PTTG1IP: variants seen among roughly 807,000 people sequenced by gnomAD.
PTTG1IP encodes PTTG1 interacting protein.
A neutral mutation model predicts 24.4 loss-of-function variants in PTTG1IP; 16 were observed. That is an observed-to-expected ratio of 0.66 (90% CI 0.44 to 1.00). The LOEUF is 1.00. Among genes scored for constraint, PTTG1IP ranks in the 50% least tolerant of loss-of-function variants. The probability of loss-of-function intolerance (pLI) is 0.00; values close to 1 mark genes in which losing one functional copy is unlikely to be tolerated. For missense variants in PTTG1IP, 241 were observed against 245.8 expected, an observed-to-expected ratio of 0.98 and a Z score of 0.13; for synonymous variants, 89 against 96.8, an observed-to-expected ratio of 0.92 and a Z score of 0.47.
chr21:44,857,709 AGCCTCACCCCTCT>A (rs1433081509), intron 3 of PTTG1IP, among the ~76,000 whole-genome samples: 1 of 152,224 alleles, frequency 6.6e-6, no homozygotes, highest in African/African-American at 2.4e-5. Flanking sequence ...GGGCTCCCGC[AGCCTCACCCCTCT>A]GCTGCCCCGG....
intron 5 of PTTG1IP, 57 bp from the exon 6 acceptor site, chr21:44,851,684 T>C: frequency 9.9e-6 from 15 of 1,517,692 alleles, no homozygotes; most frequent in Non-Finnish European, 1.2e-5. Flanking sequence ...AACAAAATCT[T>C]AGAAAGCCAT....
Position 44,873,662 on chromosome 21 carries a change from C to A in PTTG1IP, c.-46G>T, listed in dbSNP as rs2083609775. 14 of 1,324,348 alleles carry A rather than the reference C, an allele frequency of 1.1e-5. No homozygotes were observed. The highest frequency in any genetic ancestry group is 1.3e-5 in the Non-Finnish European group (13 of 1,033,086). The allele number at this position is 1,324,348 out of a possible 1,614,324, so 82.0% of individuals were successfully genotyped here. A position where few individuals can be genotyped will look rare whatever the true frequency, so the allele number is the denominator to read the frequency against. ...AGTCAGTGGAGCGTTACAACTCCGACTCCAGCACAAGCGGTCTCCGCCCGG... is the reference window on the plus strand; with the variant it reads ...AGTCAGTGGAGCGTTACAACTCCGAATCCAGCACAAGCGGTCTCCGCCCGG... On this transcript the variant is annotated 5_prime_UTR_variant, in exon 1 of 6. Transcript: ENST00000330938.
chr21:44,863,142 G>A (rs374098102), intron 2 of PTTG1IP, among the ~76,000 whole-genome samples: 24,318 of 105,388 alleles, frequency 0.23, 1,026 homozygotes, highest in Middle Eastern at 0.35. Flanking sequence ...AGCCCACCAC[G>A]GCCTCAGCAG....
chr21:44,870,178 T>A (rs1209662606), intron 1 of PTTG1IP, among the ~76,000 whole-genome samples: 1 of 152,122 alleles, frequency 6.6e-6, no homozygotes. Flanking sequence ...ACAGTCCTCA[T>A]GAAAATAACA....
chr21:44,867,012 G>A (rs1440709349), intron 1 of PTTG1IP, among the ~76,000 whole-genome samples: 1 of 152,180 alleles, frequency 6.6e-6, no homozygotes, highest in Non-Finnish European at 1.5e-5. Context: ...TGCATCCACA[G>A]ATGGACCTGC....
intron 2 of PTTG1IP, chr21:44,862,069 C>T: frequency 5.4e-6 from 3 of 558,658 alleles, no homozygotes; most frequent in Non-Finnish European, 9.7e-6. Context: ...GGAGACAACA[C>T]CATCACACCC....
At chr21:44,854,843 G>A (rs951345573) in intron 5 of PTTG1IP, among the ~76,000 whole-genome samples, 1 of 152,286 alleles carries the variant, frequency 6.6e-6, no homozygotes, top group East Asian at 1.9e-4. Context: ...CAACGCTCCC[G>A]AGGATGAGAG....
rs971862134 is a variant in PTTG1IP, at chr21:44,873,588, G to T, written c.29C>A (p.Thr10Lys). Residue 10 changes from threonine to lysine, a missense_variant, in exon 1 of 6, where the codon ACG becomes AAG. Physicochemically the swap from Thr to Lys is moderately conservative, Grantham distance 78. Transcript: ENST00000330938. MAPGVARGPTPYWRLRLGGA... is the reference protein window; with the variant it reads MAPGVARGPKPYWRLRLGGA... ...ACCGAGGCGCAACCTCCAGTACGGC[G>T]TCGGCCCGCGGGCCACTCCGGGCGC... 3.4e-6 allele frequency: 5 copies of T among 1,459,558 alleles called. No homozygotes were observed. In the African/African-American group the frequency reaches 7.4e-5, roughly 22 times the overall value. The allele number at this position is 1,459,558 out of a possible 1,614,324, so 90.4% of individuals were successfully genotyped here.
Position 44,852,320 on chromosome 21 carries a change from T to C in PTTG1IP, c.497-693A>G, listed in dbSNP as rs537797054. 5.9e-5 allele frequency among the ~76,000 whole-genome samples: 9 copies of C among 152,292 alleles called. No homozygotes were observed. In the East Asian group the frequency reaches 1.5e-3, roughly 26 times the overall value. ...GCCTCAGCCTCCGGGTAGCTAGGAC[T>C]GCAGGCACCCACCACCATACTTGGC... On this transcript the variant is annotated intron_variant, in intron 5 of 5. Transcript: ENST00000330938.
intron 3 of PTTG1IP, among the ~76,000 whole-genome samples, chr21:44,860,014 T>C (rs977376288): frequency 6.6e-6 from 1 of 152,164 alleles, no homozygotes; most frequent in African/African-American, 2.4e-5. Flanking sequence ...AAAAGATTAA[T>C]AAATTCAACT....
chr21:44,851,840 C>CTT (rs756629249), intron 5 of PTTG1IP, among the ~76,000 whole-genome samples: 4 of 152,212 alleles, frequency 2.6e-5, no homozygotes, highest in Non-Finnish European at 4.4e-5. Flanking sequence ...AACAAGAACT[C>CTT]TAACAGATCC....
In PTTG1IP at chr21:44,855,155, G is replaced by C. The variant is rs367789266; in HGVS notation, c.496+55C>G. On this transcript the variant is annotated intron_variant, in intron 5 of 5. Transcript: ENST00000330938. ...CCACACTGGCACTAACGAGGACCGAGACAGCGTGCCATCGCCTCCCAACCA... is the reference window on the plus strand; with the variant it reads ...CCACACTGGCACTAACGAGGACCGACACAGCGTGCCATCGCCTCCCAACCA... The C allele has an allele frequency of 1.0e-4, 157 of 1,533,990 alleles. 1 individual carries two copies. The highest frequency in any genetic ancestry group is 1.4e-4 in the Non-Finnish European group (153 of 1,108,046).
intron 3 of PTTG1IP, 48 bp downstream of exon 3, chr21:44,861,115 T>C: frequency 6.5e-7 from 1 of 1,545,706 alleles, no homozygotes; most frequent in East Asian, 2.3e-5. Context: ...ACTACTATTT[T>C]CAAAGAAGCA....
chr21:44,861,655 C>T, intron 2 of PTTG1IP: 3 of 709,864 alleles, frequency 4.2e-6, no homozygotes, highest in South Asian at 3.0e-5. Context: ...GTGTGGCTCC[C>T]CACTGACTGG....
At chr21:44,869,105 G>T (rs1355120154) in intron 1 of PTTG1IP, among the ~76,000 whole-genome samples, 1 of 152,172 alleles carries the variant, frequency 6.6e-6, no homozygotes, top group African/African-American at 2.4e-5. Context: ...CCCACTGAGG[G>T]TCCTTCCACA....
At chr21:44,855,012 G>T (rs145653927) in intron 5 of PTTG1IP, among the ~76,000 whole-genome samples, 198 bp downstream of exon 5, 1 of 152,330 alleles carries the variant, frequency 6.6e-6, no homozygotes, top group East Asian at 1.9e-4. Flanking sequence ...GACTGGCTGA[G>T]ATAAAGATAT....
chr21:44,869,278 G>A (rs1220012423), intron 1 of PTTG1IP, among the ~76,000 whole-genome samples: 1 of 152,172 alleles, frequency 6.6e-6, no homozygotes, highest in Non-Finnish European at 1.5e-5. Context: ...GTTAAATCAG[G>A]TATTCAATGT....
Position 44,873,436 on chromosome 21 carries a change from G to T in PTTG1IP, c.115+66C>A. On this transcript the variant is annotated intron_variant, in intron 1 of 5. Coordinates refer to ENST00000330938, the MANE Select transcript of PTTG1IP (RefSeq NM_004339.4). Reference sequence around the variant, plus strand: ...GCGCCCTGGCCGAAACCCCGACCCCGACCCCGACCTGGACCCACCAGCCGC... The same window carrying T: ...GCGCCCTGGCCGAAACCCCGACCCCTACCCCGACCTGGACCCACCAGCCGC... 2.4e-6 allele frequency: 3 copies of T among 1,235,078 alleles called. No homozygotes were observed. In the South Asian group the frequency reaches 8.7e-5, roughly 36 times the overall value. 76.5% of individuals were successfully genotyped at this position (1,235,078 alleles called of 1,614,324 possible).
Position 44,854,761 on chromosome 21 carries a change from C to T in PTTG1IP, c.496+449G>A, listed in dbSNP as rs139926808. Among the ~76,000 whole-genome samples the T allele has an allele frequency of 2.1e-3, 319 of 152,288 alleles. 1 individual carries two copies. The highest frequency in any genetic ancestry group is 7.2e-3 in the African/African-American group (298 of 41,560). On this transcript the variant is annotated intron_variant, in intron 5 of 5. Transcript: ENST00000330938. ...ACAAGAACAGAACGCCGAGGCTGGG[C>T]GAGAAGGAGCAGGGCCGGTGCTGGG... is the stretch of plus-strand genomic sequence containing the variant.
Sources: allele counts gnomAD v4.1 joint callset (sites outside exome capture counted in the v4.1 genomes callset), GRCh38; gene constraint gnomAD v4.1.1; transcripts MANE v1.5; gene names NCBI Gene and HGNC (gene_info 2026-07-23, HGNC 2026-07-21).